CALN1: variants seen among roughly 807,000 people sequenced by gnomAD.
The protein encoded by CALN1 is calcium-binding protein 8.
Under a neutral mutation model 30.6 loss-of-function variants are expected in CALN1, and 17 were observed. That is an observed-to-expected ratio of 0.56 (90% CI 0.38 to 0.83). The LOEUF (loss-of-function observed/expected upper bound fraction) is 0.83. Ranked by LOEUF, CALN1 falls within the 40% of genes least tolerant of loss-of-function variation. The probability of loss-of-function intolerance (pLI) is 0.00; values close to 1 mark genes in which losing one functional copy is unlikely to be tolerated. For synonymous variants in CALN1, 156 were observed against 131.4 expected, an observed-to-expected ratio of 1.19 and a Z score of -1.28; for missense variants, 291 against 354.9, an observed-to-expected ratio of 0.82 and a Z score of 1.45.
intron 3 of CALN1, among the ~76,000 whole-genome samples, chr7:72,171,315 T>C (rs941884764): frequency 6.6e-6 from 1 of 152,232 alleles, no homozygotes; most frequent in East Asian, 1.9e-4. Context: ...ATAATCAAAG[T>C]CTTTTAAAAT....
intron 5 of CALN1, among the ~76,000 whole-genome samples, chr7:72,006,012 A>G (rs1246298548): frequency 1.3e-5 from 2 of 152,234 alleles, no homozygotes; most frequent in Admixed American, 1.3e-4. Flanking sequence ...CTCAGTTATG[A>G]TATTGTATTA....
chr7:72,166,629 C>T (rs184136791), intron 3 of CALN1, among the ~76,000 whole-genome samples: 1 of 152,190 alleles, frequency 6.6e-6, no homozygotes, highest in Non-Finnish European at 1.5e-5. Flanking sequence ...TCCTAACAAA[C>T]AAGAGCAAAA....
Position 71,882,660 on chromosome 7 carries a change from T to G in CALN1, c.502-72168A>C, listed in dbSNP as rs1019323212. Among the ~76,000 whole-genome samples the G allele has an allele frequency of 2.0e-5, 3 of 152,118 alleles. No individual in the cohort carries two copies. In the East Asian group the frequency reaches 5.8e-4, roughly 29 times the overall value. On this transcript the variant is annotated intron_variant, in intron 5 of 6. Coordinates refer to ENST00000395275, the MANE Select transcript of CALN1 (RefSeq NM_031468.4). Reference sequence around the variant, plus strand: ...ATTTAGAATAGTCTTCCCCCAATACTTTATTCCCTTGTCCTACTTAAAAAA... The same window carrying G: ...ATTTAGAATAGTCTTCCCCCAATACGTTATTCCCTTGTCCTACTTAAAAAA...
chr7:72,347,247 T>TC lies in CALN1; in HGVS notation c.119+56003dup, dbSNP rs919229881. On this transcript the variant is annotated intron_variant, in intron 2 of 6. Transcript: ENST00000395275. ...AGACAATTTTTTTTCTTTTTTTTTT[T>TC]CCTTTTTTCTTTTTTTTGAGACGGA... 3.5e-3 allele frequency among the ~76,000 whole-genome samples: 525 copies of TC among 151,478 alleles called. 4 individuals carry two copies. Among genetic ancestry groups the TC allele is most frequent in the Middle Eastern group, 0.014 (4 of 292 alleles).
At chr7:71,793,983 A>G (rs953281918) in intron 6 of CALN1, among the ~76,000 whole-genome samples, 35 of 152,242 alleles carry the variant, frequency 2.3e-4, no homozygotes, top group African/African-American at 6.8e-4. Flanking sequence ...TCCCTTGTAT[A>G]AACCTTTTAA....
intron 3 of CALN1, among the ~76,000 whole-genome samples, chr7:72,127,018 T>A (rs1176534618): frequency 6.6e-6 from 1 of 151,936 alleles, no homozygotes; most frequent in Non-Finnish European, 1.5e-5. Context: ...CGTAACCCGT[T>A]CCTTGGGCCT....
At chr7:71,998,887 A>G (rs1435919222) in intron 5 of CALN1, among the ~76,000 whole-genome samples, 1 of 152,208 alleles carries the variant, frequency 6.6e-6, no homozygotes, top group African/African-American at 2.4e-5. Flanking sequence ...GAAAAAATCA[A>G]GATGGAATCC....
chr7:71,895,332 CAG>C (rs1793478482), intron 5 of CALN1, among the ~76,000 whole-genome samples: 1 of 151,628 alleles, frequency 6.6e-6, no homozygotes, highest in African/African-American at 2.4e-5. Flanking sequence ...TTTTTTGAGA[CAG>C]AGTCTCGCTC....
At chr7:71,903,316 T>C (rs750092320) in intron 5 of CALN1, among the ~76,000 whole-genome samples, 4 of 152,126 alleles carry the variant, frequency 2.6e-5, no homozygotes, top group East Asian at 1.9e-4. Flanking sequence ...TATGAAGCTA[T>C]AGTAAACAAA....
At chr7:72,300,508 A>C (rs930704642) in intron 2 of CALN1, among the ~76,000 whole-genome samples, 1 of 152,230 alleles carries the variant, frequency 6.6e-6, no homozygotes, top group African/African-American at 2.4e-5. Flanking sequence ...TGTGGATCAA[A>C]GACGCTCACT....
intron 2 of CALN1, among the ~76,000 whole-genome samples, chr7:72,321,444 GA>G (rs1262295712): frequency 2.0e-5 from 3 of 152,180 alleles, no homozygotes; most frequent in African/African-American, 7.2e-5. Context: ...ACAACACCAA[GA>G]AATCTATAGG....
At chr7:71,904,924 T>C (rs1457290769) in intron 5 of CALN1, among the ~76,000 whole-genome samples, 1 of 149,936 alleles carries the variant, frequency 6.7e-6, no homozygotes, top group Non-Finnish European at 1.5e-5. Context: ...TTTGTTGTTT[T>C]TGTTCTTAAT....
At chr7:72,192,474 AG>A (rs929034564) in intron 3 of CALN1, among the ~76,000 whole-genome samples, 1 of 152,156 alleles carries the variant, frequency 6.6e-6, no homozygotes, top group East Asian at 1.9e-4. Context: ...CAGGCAATAA[AG>A]AGCAGTGAAA....
intron 5 of CALN1, among the ~76,000 whole-genome samples, chr7:71,872,151 T>G (rs17144061): frequency 0.051 from 7,712 of 152,298 alleles, 663 homozygotes; most frequent in African/African-American, 0.18. Flanking sequence ...CTTGCTAGTT[T>G]ATTCAGAGGT....
At chr7:72,371,928 T>C (rs904621754) in intron 2 of CALN1, among the ~76,000 whole-genome samples, 2 of 152,168 alleles carry the variant, frequency 1.3e-5, no homozygotes, top group Non-Finnish European at 2.9e-5. Context: ...TCTGAACATA[T>C]ACACTAACAG....
chr7:71,846,365 C>T (rs1289679281), intron 5 of CALN1, among the ~76,000 whole-genome samples: 1 of 152,076 alleles, frequency 6.6e-6, no homozygotes, highest in Admixed American at 6.6e-5. Context: ...AGGCGCTGTC[C>T]ATGGTCATGA....
chr7:72,111,246 G>C (rs1563068064), intron 3 of CALN1, among the ~76,000 whole-genome samples: 1 of 152,162 alleles, frequency 6.6e-6, no homozygotes, highest in East Asian at 1.9e-4. Flanking sequence ...CTGTCATTGT[G>C]TGGAGTATGA....
intron 4 of CALN1, among the ~76,000 whole-genome samples, chr7:72,079,852 C>T (rs1241833393): frequency 2.0e-5 from 3 of 149,584 alleles, no homozygotes; most frequent in Non-Finnish European, 4.4e-5. Flanking sequence ...CTCACTGCAG[C>T]CTCCACCTCC....
At chr7:72,105,164 C>T (rs1047691953) in intron 4 of CALN1, among the ~76,000 whole-genome samples, 6 of 152,196 alleles carry the variant, frequency 3.9e-5, no homozygotes, top group African/African-American at 1.4e-4. Flanking sequence ...CGTCTGGCTA[C>T]ACTGGGGCTA....
Sources: allele counts gnomAD v4.1 joint callset (sites outside exome capture counted in the v4.1 genomes callset), GRCh38; gene constraint gnomAD v4.1.1; transcripts MANE v1.5; gene names NCBI Gene and HGNC (gene_info 2026-07-23, HGNC 2026-07-21).